ADGB: variants seen among roughly 807,000 people sequenced by gnomAD.
ADGB encodes androglobin, also known as calpain-7-like protein.
In ADGB, 172 loss-of-function variants were observed where a neutral mutation model predicts 210.5. The ratio of observed to expected loss-of-function variants is 0.82; its 90% CI spans 0.72 to 0.93. ADGB has a LOEUF of 0.93. Among genes scored for constraint, ADGB ranks in the 40% least tolerant of loss-of-function variants. The pLI, the probability that ADGB is intolerant of heterozygous loss-of-function variation, is 0.00. For missense variants in ADGB, 2,025 were observed against 1,964.8 expected (o/e 1.03, Z -0.58); for synonymous variants, 658 against 662.7 (o/e 0.99, Z 0.11).
intron 2 of ADGB, among the ~76,000 whole-genome samples, chr6:146,636,922 G>T (rs540463457): frequency 6.6e-6 from 1 of 152,110 alleles, no homozygotes; most frequent in African/African-American, 2.4e-5. Flanking sequence ...CTAGTCATCA[G>T]GAAATCAGCC....
At chr6:146,775,169 A>C (rs2114637185) in intron 29 of ADGB, among the ~76,000 whole-genome samples, 1 of 152,266 alleles carries the variant, frequency 6.6e-6, no homozygotes, top group East Asian at 1.9e-4. Flanking sequence ...ACCTAAGTTA[A>C]ATTTGATATT....
intron 27 of ADGB, among the ~76,000 whole-genome samples, chr6:146,756,692 A>G (rs1194739887): frequency 6.6e-6 from 1 of 151,910 alleles, no homozygotes; most frequent in Non-Finnish European, 1.5e-5. Context: ...TGCCCCAATA[A>G]ATAGTACTAC....
intron 10 of ADGB, among the ~76,000 whole-genome samples, chr6:146,688,547 G>A (rs1051505515): frequency 3.3e-5 from 5 of 152,102 alleles, no homozygotes; most frequent in East Asian, 1.9e-4. Context: ...TGAGGCATGC[G>A]TGAGAGCCAA....
intron 9 of ADGB, among the ~76,000 whole-genome samples, chr6:146,679,837 G>C (rs928904166): frequency 1.3e-5 from 2 of 152,016 alleles, no homozygotes; most frequent in Non-Finnish European, 2.9e-5. Flanking sequence ...AGTTCTATAA[G>C]AATGAATAAA....
chr6:146,809,363 G>A (rs557731080), intron 35 of ADGB, among the ~76,000 whole-genome samples: 1 of 152,134 alleles, frequency 6.6e-6, no homozygotes, highest in African/African-American at 2.4e-5. Context: ...CAGCCACCAC[G>A]CCCGGCTAAT....
At chr6:146,617,043 A>T (rs542672702) in intron 1 of ADGB, among the ~76,000 whole-genome samples, 62 of 152,184 alleles carry the variant, frequency 4.1e-4, no homozygotes, top group African/African-American at 1.4e-3. Context: ...CCTAGTATAG[A>T]TATTTTAACA....
chr6:146,627,664 A>G (rs929105573), intron 1 of ADGB, among the ~76,000 whole-genome samples: 4 of 152,078 alleles, frequency 2.6e-5, no homozygotes, highest in Non-Finnish European at 4.4e-5. Flanking sequence ...GGCTTTGGGT[A>G]GCTTCCTCAT....
chr6:146,638,474 A>T (rs1443620563), intron 2 of ADGB, among the ~76,000 whole-genome samples: 3 of 151,842 alleles, frequency 2.0e-5, no homozygotes, highest in Admixed American at 2.0e-4. Flanking sequence ...TGAAGCTGGA[A>T]ACCATCATTC....
chr6:146,788,511 G>A lies in ADGB; in HGVS notation c.4438G>A (p.Gly1480Ser). Reference sequence around the variant, plus strand: ...GTGGAAGAAGTGGCAATTGACCAAAGGCTTGAGGGATGTGGCAAAATCCAC... The same window carrying A: ...GTGGAAGAAGTGGCAATTGACCAAAAGCTTGAGGGATGTGGCAAAATCCAC... ...AVWKKWQLTK[G>S]LRDVAKSTSS... Residue 1480 changes from glycine to serine, a missense_variant, in exon 33 of 36, where the codon GGC becomes AGC. Physicochemically the swap from Gly to Ser is moderately conservative, Grantham distance 56. Transcript: ENST00000397944. 1.9e-6 allele frequency: 3 copies of A among 1,551,624 alleles called. No homozygotes were observed. The highest frequency in any genetic ancestry group is 2.6e-6 in the Non-Finnish European group (3 of 1,146,936).
chr6:146,621,726 T>C (rs963760471), intron 1 of ADGB, among the ~76,000 whole-genome samples: 1 of 152,172 alleles, frequency 6.6e-6, no homozygotes, highest in Admixed American at 6.6e-5. Flanking sequence ...TTCTATTCTG[T>C]CATCTTGCTG....
chr6:146,714,876 T>C (rs1458500900), intron 13 of ADGB, among the ~76,000 whole-genome samples: 1 of 152,188 alleles, frequency 6.6e-6, no homozygotes, highest in African/African-American at 2.4e-5. Context: ...TTATATTTAT[T>C]TTTGTGTTCC....
chr6:146,669,224 A>C (rs1445896566), intron 7 of ADGB, among the ~76,000 whole-genome samples: 3 of 152,036 alleles, frequency 2.0e-5, no homozygotes, highest in Non-Finnish European at 4.4e-5. Flanking sequence ...GCTAAAGGCC[A>C]CTCTGCTGGG....
At chr6:146,714,381 GGAAT>G (rs1562281259) in intron 13 of ADGB, among the ~76,000 whole-genome samples, 1 of 151,950 alleles carries the variant, frequency 6.6e-6, no homozygotes, top group Non-Finnish European at 1.5e-5. Flanking sequence ...TTCATCACAG[GGAAT>G]GGTATATACT....
At chr6:146,768,529 T>G (rs1370550936) in intron 28 of ADGB, among the ~76,000 whole-genome samples, 1 of 152,048 alleles carries the variant, frequency 6.6e-6, no homozygotes, top group East Asian at 1.9e-4. Flanking sequence ...TACATCTCCA[T>G]GGAGAGAAAT....
At chr6:146,649,144 C>T (rs1775661267) in intron 3 of ADGB, among the ~76,000 whole-genome samples, 1 of 148,476 alleles carries the variant, frequency 6.7e-6, no homozygotes, top group Non-Finnish European at 1.5e-5. Context: ...CAAAGGTAGT[C>T]ATTATTTAAA....
chr6:146,794,354 G>C (rs1778005661), intron 33 of ADGB, among the ~76,000 whole-genome samples: 2 of 152,122 alleles, frequency 1.3e-5, no homozygotes, highest in South Asian at 4.1e-4. Flanking sequence ...GGCTGGAAAG[G>C]GGTGTTGGGA....
chr6:146,610,136 A>G (rs549964747), intron 1 of ADGB, among the ~76,000 whole-genome samples: 18 of 152,290 alleles, frequency 1.2e-4, no homozygotes, highest in Non-Finnish European at 2.2e-4. Context: ...TCTGCTGTTA[A>G]TATTACTAAT....
chr6:146,648,900 T>A (rs1775658931), intron 3 of ADGB, among the ~76,000 whole-genome samples: 1 of 151,868 alleles, frequency 6.6e-6, no homozygotes, highest in African/African-American at 2.4e-5. Flanking sequence ...TAACTGTTTA[T>A]CAGATGTTAG....
intron 30 of ADGB, among the ~76,000 whole-genome samples, chr6:146,783,510 T>G (rs1391710896): frequency 1.3e-5 from 2 of 152,174 alleles, no homozygotes; most frequent in Non-Finnish European, 2.9e-5. Flanking sequence ...GATAAATTCA[T>G]GTATTAAGCA....
Sources: gnomAD v4.1 joint callset for allele counts (sites outside exome capture counted in the v4.1 genomes callset) on GRCh38, gnomAD v4.1.1 for gene constraint, MANE v1.5 for transcripts, NCBI Gene and HGNC (gene_info 2026-07-23, HGNC 2026-07-21) for gene names.